CHD5: variants seen among roughly 807,000 people sequenced by gnomAD.
CHD5 encodes the protein chromodomain helicase DNA binding protein 5.
CHD5 carries 69 observed loss-of-function variants against 230.3 expected under a neutral mutation model. The observed-to-expected ratio is 0.30, with a 90% CI of 0.25 to 0.37. The LOEUF is 0.37. Ranked by LOEUF, CHD5 falls within the 10% of genes least tolerant of loss-of-function variation. CHD5 has a pLI of 1.00. For missense variants in CHD5, 1,827 were observed against 2,622.8 expected (o/e 0.70, Z 6.63); for synonymous variants, 1,064 against 1,065.9 (o/e 1.00, Z 0.03).
rs772790386 is a variant in CHD5, at chr1:6,112,159, G to A, written c.5121C>T (p.Ile1707=). ...KKGKFKFMFN[I]ADGGFTELHT... The stretch of plus-strand genomic sequence containing the variant: ...CAATACCCGTGAAGCCCCCGTCCGC[G>A]ATGTTGAACATGAACTTGAATTTCC... The change falls in exon 35 of 42, where the codon ATC becomes ATT. Residue 1707 remains isoleucine, a synonymous_variant. Coordinates refer to ENST00000262450, the MANE Select transcript of CHD5 (RefSeq NM_015557.3). The A allele has an allele frequency of 2.0e-5, 33 of 1,613,940 alleles. No homozygotes were observed. The highest frequency in any genetic ancestry group is 4.0e-5 in the African/African-American group (3 of 74,908).
intron 1 of CHD5, among the ~76,000 whole-genome samples, chr1:6,172,939 C>G (rs1361637536): frequency 6.6e-6 from 1 of 151,920 alleles, no homozygotes; most frequent in Non-Finnish European, 1.5e-5. Context: ...GACTGTGGAG[C>G]GAAAGTTAGG....
rs1296945612 is a variant in CHD5 at position 6,167,459 on chromosome 1, G to T, written c.207+691C>A. Among the ~76,000 whole-genome samples, 1 of 152,180 alleles carries T rather than the reference G, an allele frequency of 6.6e-6. No individual in the cohort carries two copies. The highest frequency in any genetic ancestry group is 1.5e-5 in the Non-Finnish European group (1 of 68,044). On this transcript the variant is annotated intron_variant, in intron 2 of 41. Transcript: ENST00000262450. The surrounding 1 kb of genome is among the most constrained non-coding windows in gnomAD (Gnocchi z 4.5). ...GACCTCAGTGTCCTAGACCAAGTAG[G>T]AAGGACTTTAAGCTGCAAACCCACC... is the stretch of plus-strand genomic sequence containing the variant.
chr1:6,123,428 G>C (rs1314471762), intron 31 of CHD5, among the ~76,000 whole-genome samples: 3 of 150,260 alleles, frequency 2.0e-5, no homozygotes, highest in African/African-American at 7.3e-5. Context: ...TCACTGAATA[G>C]TACTTTTTTT....
At chr1:6,117,385 C>T (rs140820944) in intron 33 of CHD5, among the ~76,000 whole-genome samples, 41 of 152,152 alleles carry the variant, frequency 2.7e-4, no homozygotes, top group Middle Eastern at 3.4e-3. Flanking sequence ...ATTTGTAAAT[C>T]ATATATCTGA....
chr1:6,131,392 G>C lies in CHD5; in HGVS notation c.3262+239C>G, dbSNP rs779439874. On this transcript the variant is annotated intron_variant, in intron 21 of 41. Coordinates refer to ENST00000262450, the MANE Select transcript of CHD5 (RefSeq NM_015557.3). The surrounding 1 kb of genome is among the most constrained non-coding windows in gnomAD (Gnocchi z 5.0). ...ACCTGGCGTCAATATTAGAGGCCCC[G>C]TCTGCGTTTCTCATTGTCTAACTCC... Among the ~76,000 whole-genome samples, 1 of 152,198 alleles carries C rather than the reference G, an allele frequency of 6.6e-6. No individual in the cohort carries two copies. Among genetic ancestry groups the C allele is most frequent in the East Asian group, 1.9e-4 (1 of 5,198 alleles).
At chr1:6,157,859 G>A (rs538057100) in intron 3 of CHD5, among the ~76,000 whole-genome samples, 1 of 152,258 alleles carries the variant, frequency 6.6e-6, no homozygotes, top group African/African-American at 2.4e-5. Flanking sequence ...CCGCAGCGAC[G>A]ATCCGTCTCC....
chr1:6,104,618 G>GGCCCCCCCCCCCC lies in CHD5; in HGVS notation c.*855_*856insGGGGGGGGGGGGC, dbSNP rs1557532095. On this transcript the variant is annotated 3_prime_UTR_variant, in exon 42 of 42. Transcript: ENST00000262450. ...CAGCAGTGGCTCCGAGGCAAGTGCT[G>GGCCCCCCCCCCCC]CCCCCCCCCCAGCCCACCCTCCCTG... 1.4e-5 allele frequency: 2 copies of GGCCCCCCCCCCCC among 145,118 alleles called. No homozygotes were observed. Among genetic ancestry groups the GGCCCCCCCCCCCC allele is most frequent in the Non-Finnish European group, 3.0e-5 (2 of 65,804 alleles). 9.0% of individuals were successfully genotyped at this position (145,118 alleles called of 1,614,324 possible). A position where few individuals can be genotyped will look rare whatever the true frequency, so the allele number is the denominator to read the frequency against.
intron 2 of CHD5, among the ~76,000 whole-genome samples, chr1:6,165,698 AC>A (rs1345941646): frequency 1.3e-5 from 2 of 151,800 alleles, no homozygotes; most frequent in African/African-American, 4.8e-5. Flanking sequence ...ACAAAGACCG[AC>A]CTCTGGGGCC....
intron 13 of CHD5, among the ~76,000 whole-genome samples, chr1:6,143,535 C>T (rs1253001333): frequency 6.6e-6 from 1 of 152,208 alleles, no homozygotes. Flanking sequence ...GCCCTCGTCT[C>T]CTCAGGGCCA....
At chr1:6,135,491 C>G in intron 17 of CHD5, 88 bp from the exon 18 acceptor site, 1 of 1,219,012 alleles carries the variant, frequency 8.2e-7, no homozygotes, top group Non-Finnish European at 1.1e-6. Context: ...TGTAGGCCGG[C>G]TAGCTGGTGA....
rs139775820 is a variant in CHD5, at chr1:6,128,913, C to T, written c.3544G>A (p.Gly1182Arg). 3.0e-5 allele frequency: 49 copies of T among 1,613,294 alleles called. No individual in the cohort carries two copies. The highest frequency in any genetic ancestry group is 4.0e-5 in the Non-Finnish European group (47 of 1,180,012). Residue 1182 changes from glycine (G) to arginine (R), a missense_variant, in exon 23 of 42, where the codon GGG (glycine) becomes AGG (arginine). Physicochemically the swap from Gly to Arg is moderately radical, Grantham distance 125 (BLOSUM62 -2). Coordinates refer to ENST00000262450, the MANE Select transcript of CHD5 (RefSeq NM_015557.3). This position sits in a 1 kb window ranked among gnomAD's most constrained non-coding sequence, Gnocchi z 7.8. ...VVRPGLGSKS[G>R]SMTKQELDDI... ...TCCAGCTCCTGCTTGGTCATGGACC[C>T]CGACTTGGAGCCGAGGCCGGGCCGC...
At chr1:6,114,676 T>C (rs745946989) in intron 33 of CHD5, among the ~76,000 whole-genome samples, 10 of 151,718 alleles carry the variant, frequency 6.6e-5, no homozygotes, top group Non-Finnish European at 1.5e-4. Flanking sequence ...AATAAATATG[T>C]CTAGGGTGAC....
intron 1 of CHD5, among the ~76,000 whole-genome samples, chr1:6,172,673 G>A (rs950232121): frequency 6.6e-5 from 10 of 152,156 alleles, no homozygotes; most frequent in Non-Finnish European, 1.0e-4. Flanking sequence ...AACAGCCCAC[G>A]CTGTGTAAAC....
At chr1:6,132,844 CA>C (rs566766714) in intron 20 of CHD5, among the ~76,000 whole-genome samples, 92 of 152,008 alleles carry the variant, frequency 6.1e-4, no homozygotes, top group African/African-American at 2.0e-3. Flanking sequence ...ATCCTAAACA[CA>C]TCTATGTAAA....
chr1:6,138,305 A>C (rs1666776426), intron 15 of CHD5, among the ~76,000 whole-genome samples: 1 of 149,866 alleles, frequency 6.7e-6, no homozygotes, highest in African/African-American at 2.5e-5. Flanking sequence ...TGAACCCAAA[A>C]GGCAGAGGTT....
At chr1:6,150,922 T>A in intron 7 of CHD5, 110 bp downstream of exon 7, 1 of 1,309,284 alleles carries the variant, frequency 7.6e-7, no homozygotes, top group Non-Finnish European at 1.0e-6. Flanking sequence ...GGAGGTTCCA[T>A]GCCCCGCACA....
At chr1:6,139,411 A>G (rs1666794171) in intron 15 of CHD5, among the ~76,000 whole-genome samples, 1 of 151,312 alleles carries the variant, frequency 6.6e-6, no homozygotes, top group African/African-American at 2.4e-5. Context: ...TAATTTTTGT[A>G]TTTTTAGCAG....
In CHD5 at chr1:6,125,058, G is replaced by A. The variant is rs762361142; in HGVS notation, c.4394+42C>T. 5 of 1,511,608 alleles carry A rather than the reference G, an allele frequency of 3.3e-6. No homozygotes were observed. The South Asian group carries it at 3.8e-5, about 12-fold the overall frequency. 93.6% of individuals were successfully genotyped at this position (1,511,608 alleles called of 1,614,324 possible). A position where few individuals can be genotyped will look rare whatever the true frequency, so the allele number is the denominator to read the frequency against. The stretch of plus-strand genomic sequence containing the variant: ...ACCCGCAGGACCCTGCCCTACTCAG[G>A]GGCAGGTGGTCACACCCTGGGCCAC... On this transcript the variant is annotated intron_variant, in intron 29 of 41. Coordinates refer to ENST00000262450, the MANE Select transcript of CHD5 (RefSeq NM_015557.3). This position sits in a 1 kb window ranked among gnomAD's most constrained non-coding sequence, Gnocchi z 6.7.
At chr1:6,162,220 GA>G (rs908661461) in intron 2 of CHD5, among the ~76,000 whole-genome samples, 1 of 150,208 alleles carries the variant, frequency 6.7e-6, no homozygotes, top group South Asian at 2.1e-4. Context: ...TTTCTCTACT[GA>G]AAAAAAAATA....
Sources: allele counts gnomAD v4.1 joint callset (sites outside exome capture counted in the v4.1 genomes callset), GRCh38; gene constraint gnomAD v4.1.1; non-coding constraint Gnocchi (gnomAD v3.1); transcripts MANE v1.5; gene names NCBI Gene and HGNC (gene_info 2026-07-23, HGNC 2026-07-21).